Variants in TRPV4 observed in about 807,000 individuals in gnomAD.
The protein encoded by TRPV4 is transient receptor potential cation channel subfamily V member 4.
Under a neutral mutation model 84.1 loss-of-function variants are expected in TRPV4, and 58 were observed. The observed-to-expected ratio is 0.69, with a 90% CI of 0.56 to 0.86. The LOEUF (loss-of-function observed/expected upper bound fraction) is 0.86. Ranked by LOEUF, TRPV4 falls within the 40% of genes least tolerant of loss-of-function variation. The probability of loss-of-function intolerance (pLI) is 0.00; values close to 1 mark genes in which losing one functional copy is unlikely to be tolerated. For missense variants in TRPV4, 879 were observed against 1,181.1 expected, an observed-to-expected ratio of 0.74 and a Z score of 3.75; for synonymous variants, 489 against 500.9, an observed-to-expected ratio of 0.98 and a Z score of 0.32.
intron 2 of TRPV4, 142 bp from the exon 3 acceptor site, chr12:109,808,610 A>G: frequency 1.4e-6 from 1 of 724,990 alleles, no homozygotes; most frequent in African/African-American, 1.8e-5. Flanking sequence ...GTTGGGGCAG[A>G]TGTAAAAACT....
At chr12:109,792,265 A>AT in intron 12 of TRPV4, 98 bp downstream of exon 12, 2 of 825,022 alleles carry the variant, frequency 2.4e-6, no homozygotes, top group Non-Finnish European at 1.9e-6. Context: ...AAAAAAAAAA[A>AT]GAACTCAGCA....
chr12:109,783,498 C>T lies in TRPV4; in HGVS notation c.*123G>A, dbSNP rs1592811713. 1.5e-6 allele frequency: 2 copies of T among 1,360,170 alleles called. No homozygotes were observed. Among genetic ancestry groups the T allele is most frequent in the South Asian group, 1.4e-5 (1 of 70,024 alleles). 84.3% of individuals were successfully genotyped at this position (1,360,170 alleles called of 1,614,324 possible). The stretch of plus-strand genomic sequence containing the variant: ...ACAGGGTCCTGGGGCCTCCCTGGCA[C>T]CTCCACTGGTCCCTCGCCTCTGGGG... On this transcript the variant is annotated 3_prime_UTR_variant, in exon 16 of 16. Coordinates refer to ENST00000261740, the MANE Select transcript of TRPV4 (RefSeq NM_021625.5). The surrounding 1 kb of genome is among the most constrained non-coding windows in gnomAD (Gnocchi z 4.6).
intron 2 of TRPV4, 35 bp from the exon 3 acceptor site, chr12:109,808,503 C>T (rs34494587): frequency 6.7e-4 from 1,075 of 1,594,314 alleles, no homozygotes; most frequent in Non-Finnish European, 8.1e-4. Context: ...GATGGGAGGG[C>T]TCATCCCCTG....
intron 14 of TRPV4, among the ~76,000 whole-genome samples, chr12:109,785,111 T>C (rs1041611487): frequency 2.6e-5 from 4 of 151,804 alleles, no homozygotes; most frequent in Admixed American, 1.3e-4. Flanking sequence ...AACCTTGACC[T>C]CCCAGGCTCA....
At chr12:109,784,242 A>T in intron 15 of TRPV4, 74 bp downstream of exon 15, 1 of 1,606,860 alleles carries the variant, frequency 6.2e-7, no homozygotes. Context: ...TCCCGGAAAG[A>T]AGCAGGACTG....
In TRPV4 at chr12:109,796,902, T is replaced by C. The variant is rs192060971; in HGVS notation, c.1153-198A>G. Among the ~76,000 whole-genome samples, 1,254 of 152,344 alleles carry C rather than the reference T, an allele frequency of 8.2e-3. 5 individuals carry two copies. Among genetic ancestry groups the C allele is most frequent in the Non-Finnish European group, 0.014 (984 of 68,032 alleles). On this transcript the variant is annotated intron_variant, in intron 6 of 15. Transcript: ENST00000261740. This position sits in a 1 kb window ranked among gnomAD's most constrained non-coding sequence, Gnocchi z 4.2. Reference sequence around the variant, plus strand: ...TGGAGGCTGGGAAAAACGAAGGGTGTTCCAGAAGCCACTTAACCAGTCAGC... The same window carrying C: ...TGGAGGCTGGGAAAAACGAAGGGTGCTCCAGAAGCCACTTAACCAGTCAGC...
intron 1 of TRPV4, among the ~76,000 whole-genome samples, chr12:109,817,852 G>C (rs1356967088): frequency 6.6e-6 from 1 of 152,162 alleles, no homozygotes. Flanking sequence ...AGGAGAGGGA[G>C]CACTACTGGC....
intron 12 of TRPV4, among the ~76,000 whole-genome samples, chr12:109,789,934 C>T (rs1480035153): frequency 6.6e-6 from 1 of 152,208 alleles, no homozygotes; most frequent in Non-Finnish European, 1.5e-5. Context: ...GAATTGAGAT[C>T]TAGTGCATCC....
At chr12:109,816,905 T>C (rs2136677107) in intron 1 of TRPV4, among the ~76,000 whole-genome samples, 1 of 152,342 alleles carries the variant, frequency 6.6e-6, no homozygotes, top group South Asian at 2.1e-4. Context: ...GGTTCTGAAA[T>C]GAGACCCAGT....
Position 109,786,756 on chromosome 12 carries a change from C to A in TRPV4, c.2290G>T (p.Val764Leu), listed in dbSNP as rs750416252. 4 of 1,613,902 alleles carry A rather than the reference C, an allele frequency of 2.5e-6. No individual in the cohort carries two copies. The highest frequency in any genetic ancestry group is 1.3e-5 in the African/African-American group (1 of 74,934). Residue 764 changes from valine (V) to leucine (L), a missense_variant, in exon 14 of 16, where the codon GTG (valine) becomes TTG (leucine). Coordinates refer to ENST00000261740, the MANE Select transcript of TRPV4 (RefSeq NM_021625.5). The surrounding 1 kb of genome is among the most constrained non-coding windows in gnomAD (Gnocchi z 4.5). ...KAFRSGEMVT[V>L]GKSSDGTPDR... ...GGAGTGCCGTCCGAGCTCTTGCCCA[C>A]GGTGACCATCTCCCCAGAGCGGAAG...
chr12:109,808,373 C>A lies in TRPV4; in HGVS notation c.482G>T (p.Gly161Val). The A allele has an allele frequency of 5.6e-6, 9 of 1,614,210 alleles. No individual in the cohort carries two copies. Among genetic ancestry groups the A allele is most frequent in the Non-Finnish European group, 7.6e-6 (9 of 1,180,034 alleles). Residue 161 changes from glycine (G) to valine (V), a missense_variant, in exon 3 of 16, where the codon GGC (glycine) becomes GTC (valine). Physicochemically the swap from Gly to Val is moderately radical, Grantham distance 109. Around this residue, in one of 4 missense-constraint regions of TRPV4, gnomAD observed 521 missense variants for 686.6 expected, o/e 0.76. Transcript: ENST00000261740. Reference sequence around the variant, plus strand: ...CAGCCCGTCCAGGTCAGCAGTGGAGCCCCGGGACACGATGTCAAAGAGGAT... The same window carrying A: ...CAGCCCGTCCAGGTCAGCAGTGGAGACCCGGGACACGATGTCAAAGAGGAT... ...RPILFDIVSR[G>V]STADLDGLLP...
intron 8 of TRPV4, 74 bp from the exon 9 acceptor site, chr12:109,794,096 C>T (rs1890227633): frequency 4.5e-6 from 6 of 1,333,906 alleles, no homozygotes; most frequent in African/African-American, 2.9e-5. Flanking sequence ...GATGTTCCCC[C>T]AGGCCCGAAA....
intron 1 of TRPV4, among the ~76,000 whole-genome samples, chr12:109,817,135 C>G (rs1415077473): frequency 6.6e-6 from 1 of 152,132 alleles, no homozygotes; most frequent in Non-Finnish European, 1.5e-5. Context: ...GATCCCTAGT[C>G]CCTCATGGCT....
chr12:109,816,537 GGAGGCC>G (rs763452793), intron 1 of TRPV4, among the ~76,000 whole-genome samples: 2 of 152,186 alleles, frequency 1.3e-5, no homozygotes, highest in African/African-American at 2.4e-5. Context: ...CAGCACTTTG[GGAGGCC>G]GAGGCGGGTG....
At chr12:109,807,302 G>A (rs1263904158) in intron 3 of TRPV4, among the ~76,000 whole-genome samples, 1 of 147,970 alleles carries the variant, frequency 6.8e-6, no homozygotes, top group East Asian at 2.0e-4. Flanking sequence ...AGCCTCTTCT[G>A]ACATCCCTGA....
Position 109,786,615 on chromosome 12 carries a change from A to C in TRPV4, c.2336+95T>G. The C allele has an allele frequency of 4.0e-6, 6 of 1,510,052 alleles. No individual in the cohort carries two copies. The highest frequency in any genetic ancestry group is 4.5e-6 in the Non-Finnish European group (5 of 1,107,738). The allele number at this position is 1,510,052 out of a possible 1,614,324, so 93.5% of individuals were successfully genotyped here. ...CTCTTGGGGCCTCAGTGGCTCCAGAAATTGCAATGGGTAGACGACGCTGGA... is the reference window on the plus strand; with the variant it reads ...CTCTTGGGGCCTCAGTGGCTCCAGACATTGCAATGGGTAGACGACGCTGGA... On this transcript the variant is annotated intron_variant, in intron 14 of 15. Coordinates refer to ENST00000261740, the MANE Select transcript of TRPV4 (RefSeq NM_021625.5). This position sits in a 1 kb window ranked among gnomAD's most constrained non-coding sequence, Gnocchi z 4.5.
At position 109,788,595 on chromosome 12, in the gene TRPV4, C is replaced by G. The variant is rs753041811; in HGVS notation, c.2013G>C (p.Leu671=). 6.2e-7 allele frequency: 1 copy of G among 1,614,242 alleles called. No homozygotes were observed. The highest frequency in any genetic ancestry group is 1.1e-5 in the South Asian group (1 of 91,082). ...RDSETFSTFL[L]DLFKLTIGMG... Reference sequence around the variant, plus strand: ...TGCCGATGGTCAGCTTAAACAGGTCCAGGAGGAAGGTGCTGAAGGTCTCGC... The same window carrying G: ...TGCCGATGGTCAGCTTAAACAGGTCGAGGAGGAAGGTGCTGAAGGTCTCGC... Residue 671 remains leucine (L), a synonymous_variant, in exon 13 of 16, where the codon CTG becomes CTC. Coordinates refer to ENST00000261740, the MANE Select transcript of TRPV4 (RefSeq NM_021625.5).
chr12:109,823,942 TG>T, intron 1 of TRPV4, among the ~76,000 whole-genome samples: 1 of 74,592 alleles, frequency 1.3e-5, no homozygotes, highest in South Asian at 3.7e-4. Context: ...TTTTCTTTCT[TG>T]TGTGTGTGTG....
At chr12:109,799,321 G>C (rs1443475470) in intron 5 of TRPV4, among the ~76,000 whole-genome samples, 2 of 152,080 alleles carry the variant, frequency 1.3e-5, no homozygotes, top group African/African-American at 4.8e-5. Flanking sequence ...GCTAATTTTT[G>C]TATTTTTAGT....
Sources: allele counts gnomAD v4.1 joint callset (sites outside exome capture counted in the v4.1 genomes callset), GRCh38; gene constraint gnomAD v4.1.1; regional missense constraint gnomAD v4.1.1; non-coding constraint Gnocchi (gnomAD v3.1); transcripts MANE v1.5; gene names NCBI Gene and HGNC (gene_info 2026-07-23, HGNC 2026-07-21).